The following SLIT3 variants were observed in gnomAD, a reference collection of about 807,000 sequenced individuals.
SLIT3 encodes slit homolog 3 protein.
SLIT3 carries 68 observed loss-of-function variants against 184.0 expected under a neutral mutation model. The ratio of observed to expected loss-of-function variants is 0.37; its 90% CI spans 0.30 to 0.45. SLIT3 has a LOEUF of 0.45. SLIT3 is among the 20% of genes least tolerant of loss of function. The probability of loss-of-function intolerance (pLI) is 1.00; values close to 1 mark genes in which losing one functional copy is unlikely to be tolerated. For missense variants in SLIT3, 1,707 were observed against 2,026.0 expected (o/e 0.84, Z 3.02); for synonymous variants, 831 against 828.6 (o/e 1.00, Z -0.05).
At chr5:168,773,587 C>T (rs1037231433) in intron 13 of SLIT3, among the ~76,000 whole-genome samples, 8 of 151,956 alleles carry the variant, frequency 5.3e-5, no homozygotes, top group South Asian at 2.1e-4. Flanking sequence ...CCAGAAGCCC[C>T]GAGGCTAATT....
At chr5:168,837,705 T>C (rs1238594590) in intron 6 of SLIT3, among the ~76,000 whole-genome samples, 1 of 152,220 alleles carries the variant, frequency 6.6e-6, no homozygotes, top group East Asian at 1.9e-4. Flanking sequence ...GATGTGGACA[T>C]AAAGCAGAGA....
At chr5:169,247,063 T>C (rs1202327200) in intron 2 of SLIT3, among the ~76,000 whole-genome samples, 1 of 150,898 alleles carries the variant, frequency 6.6e-6, no homozygotes, top group Non-Finnish European at 1.5e-5. Flanking sequence ...ACCCTGTCTC[T>C]ACTAAAAATA....
Position 168,685,777 on chromosome 5 carries a change from C to T in SLIT3, c.3465G>A (p.Glu1155=). 2 of 1,612,762 alleles carry T rather than the reference C, an allele frequency of 1.2e-6. No homozygotes were observed. The highest frequency in any genetic ancestry group is 1.7e-6 in the Non-Finnish European group (2 of 1,179,268). The part of the protein sequence containing the change: ...CPPGFAGPRC[E]KLITVNFVGK... ...CCACGAAGTTGACAGTGATGAGCTT[C>T]TCGCATCTGGGGCCGGCGAAGCCTG... The change falls in exon 31 of 36, where the codon GAG becomes GAA. Residue 1155 remains glutamate (E), a synonymous_variant. Coordinates refer to ENST00000519560, the MANE Select transcript of SLIT3 (RefSeq NM_003062.4).
At chr5:168,805,525 A>T (rs1222093241) in intron 9 of SLIT3, among the ~76,000 whole-genome samples, 4 of 152,202 alleles carry the variant, frequency 2.6e-5, no homozygotes, top group Non-Finnish European at 5.9e-5. Context: ...CTATTTAAAG[A>T]ATAATCTTGA....
chr5:168,976,626 A>G (rs534643745), intron 4 of SLIT3, among the ~76,000 whole-genome samples: 28 of 152,304 alleles, frequency 1.8e-4, no homozygotes, highest in South Asian at 2.1e-4. Flanking sequence ...TCATCTGTCT[A>G]TCTCTATTGC....
intron 6 of SLIT3, among the ~76,000 whole-genome samples, chr5:168,837,224 C>T (rs1486868605): frequency 6.6e-6 from 1 of 152,014 alleles, no homozygotes; most frequent in Non-Finnish European, 1.5e-5. Flanking sequence ...CAGCACAGTA[C>T]CAAAAGAAAA....
chr5:168,809,523 A>C (rs1368564453), intron 8 of SLIT3, among the ~76,000 whole-genome samples: 1 of 152,206 alleles, frequency 6.6e-6, no homozygotes, highest in Admixed American at 6.5e-5. Context: ...CCCTAGAAAC[A>C]TTCTCCTGTG....
intron 1 of SLIT3, among the ~76,000 whole-genome samples, chr5:169,281,409 G>C (rs1766989657): frequency 1.3e-5 from 2 of 152,200 alleles, no homozygotes; most frequent in African/African-American, 4.8e-5. Context: ...CAGGGAGTCA[G>C]AGGTTGCAGT....
rs748754097 is a variant in SLIT3, at chr5:168,724,352, T to G, written c.2339+64A>C. On this transcript the variant is annotated intron_variant, in intron 21 of 35. Coordinates refer to ENST00000519560, the MANE Select transcript of SLIT3 (RefSeq NM_003062.4). ...AGCTCTGTTCTCTCTTACCATCCAC[T>G]TCAGTTTCCTGAGCGACCCCAGCAG... is the stretch of plus-strand genomic sequence containing the variant. The G allele has an allele frequency of 1.2e-5, 16 of 1,364,408 alleles. No homozygotes were observed. In the Admixed American group the frequency reaches 1.5e-4, roughly 13 times the overall value. The allele number at this position is 1,364,408 out of a possible 1,614,324, so 84.5% of individuals were successfully genotyped here.
chr5:168,967,463 G>A (rs1256159648), intron 4 of SLIT3, among the ~76,000 whole-genome samples: 13 of 1,922 alleles, frequency 6.8e-3, no homozygotes, highest in East Asian at 0.17. Flanking sequence ...TTTTTGAGAC[G>A]GAGTCTCGCT....
At chr5:169,135,075 C>T (rs1761453084) in intron 4 of SLIT3, among the ~76,000 whole-genome samples, 1 of 152,170 alleles carries the variant, frequency 6.6e-6, no homozygotes. Flanking sequence ...TCCCCTCTAA[C>T]AAATGAGAGG....
At chr5:169,005,809 C>A (rs1239557522) in intron 4 of SLIT3, among the ~76,000 whole-genome samples, 1 of 152,212 alleles carries the variant, frequency 6.6e-6, no homozygotes, top group Admixed American at 6.5e-5. Flanking sequence ...CACTCTGCGC[C>A]TTTGGAGCTC....
chr5:168,756,474 CCTT>C (rs1754950746), intron 16 of SLIT3, among the ~76,000 whole-genome samples: 1 of 152,206 alleles, frequency 6.6e-6, no homozygotes. Flanking sequence ...ACCTCGTTCT[CCTT>C]CTCTCCTTCC....
At chr5:168,776,567 G>A (rs376054278) in intron 12 of SLIT3, among the ~76,000 whole-genome samples, 2 of 152,280 alleles carry the variant, frequency 1.3e-5, no homozygotes, top group African/African-American at 4.8e-5. Flanking sequence ...TGCTGGAAGC[G>A]GTTATGATAA....
At chr5:168,973,498 C>A in intron 4 of SLIT3, among the ~76,000 whole-genome samples, 1 of 152,214 alleles carries the variant, frequency 6.6e-6, no homozygotes. Flanking sequence ...TCACCTGCCT[C>A]AGCCTCCAAA....
chr5:169,220,515 G>A (rs1180998335), intron 3 of SLIT3, among the ~76,000 whole-genome samples: 1 of 151,900 alleles, frequency 6.6e-6, no homozygotes, highest in Non-Finnish European at 1.5e-5. Flanking sequence ...GGCTCTGATT[G>A]GTATATGAGA....
At chr5:168,994,867 C>T (rs771692522) in intron 4 of SLIT3, among the ~76,000 whole-genome samples, 1 of 151,810 alleles carries the variant, frequency 6.6e-6, no homozygotes, top group African/African-American at 2.4e-5. Flanking sequence ...GTCTTGAACT[C>T]CTGACTTTAA....
chr5:168,837,836 GA>G (rs572631038), intron 6 of SLIT3, among the ~76,000 whole-genome samples: 44 of 152,288 alleles, frequency 2.9e-4, no homozygotes, highest in African/African-American at 8.9e-4. Flanking sequence ...TCAGGGTTGG[GA>G]ATTACAGTTT....
At chr5:169,185,522 C>T (rs938603148) in intron 4 of SLIT3, among the ~76,000 whole-genome samples, 3 of 152,170 alleles carry the variant, frequency 2.0e-5, no homozygotes, top group African/African-American at 7.2e-5. Flanking sequence ...GACAATAACT[C>T]CACTGGAAAT....
Sources: gnomAD v4.1 joint callset for allele counts (sites outside exome capture counted in the v4.1 genomes callset) on GRCh38, gnomAD v4.1.1 for gene constraint, MANE v1.5 for transcripts, NCBI Gene and HGNC (gene_info 2026-07-23, HGNC 2026-07-21) for gene names.